Variants in DLC1 observed in about 807,000 individuals in gnomAD.
DLC1 encodes DLC1 Rho GTPase activating protein, also known as rho GTPase-activating protein 7.
A neutral mutation model predicts 140.3 loss-of-function variants in DLC1; 54 were observed. The ratio of observed to expected loss-of-function variants is 0.38; its 90% confidence interval spans 0.31 to 0.48. The LOEUF is 0.48. DLC1 is among the 20% of genes least tolerant of loss of function. DLC1 has a pLI of 0.96. For missense variants in DLC1, 2,536 were observed against 1,907.0 expected, an observed-to-expected ratio of 1.33 and a Z score of -6.14; for synonymous variants, 986 against 728.1, an observed-to-expected ratio of 1.35 and a Z score of -5.70.
chr8:13,416,285 G>C (rs894667735), intron 2 of DLC1, among the ~76,000 whole-genome samples: 1 of 152,114 alleles, frequency 6.6e-6, no homozygotes, highest in Non-Finnish European at 1.5e-5. Context: ...AATTGGCCTT[G>C]AGTTAAAAGT....
intron 4 of DLC1, among the ~76,000 whole-genome samples, chr8:13,388,077 G>A (rs753322724): frequency 6.6e-6 from 1 of 151,880 alleles, no homozygotes; most frequent in Non-Finnish European, 1.5e-5. Flanking sequence ...TAATTTTACA[G>A]GTTCAGGAAT....
intron 2 of DLC1, among the ~76,000 whole-genome samples, chr8:13,408,554 C>T (rs1416748094): frequency 6.6e-6 from 1 of 152,158 alleles, no homozygotes; most frequent in Non-Finnish European, 1.5e-5. Flanking sequence ...GAGAAGTGTT[C>T]AGAAGTGCAG....
intron 4 of DLC1, among the ~76,000 whole-genome samples, chr8:13,336,889 A>G (rs1416131481): frequency 2.2e-5 from 1 of 45,796 alleles, no homozygotes; most frequent in African/African-American, 5.2e-5. Flanking sequence ...ACTGATGTCA[A>G]ATTTGTCATT....
chr8:13,206,371 T>C (rs1246941384), intron 5 of DLC1, among the ~76,000 whole-genome samples: 1 of 152,198 alleles, frequency 6.6e-6, no homozygotes, highest in Non-Finnish European at 1.5e-5. Context: ...GTAAAAGGTT[T>C]GGAATATACA....
At chr8:13,383,089 A>G (rs952843093) in intron 4 of DLC1, among the ~76,000 whole-genome samples, 4 of 152,236 alleles carry the variant, frequency 2.6e-5, no homozygotes, top group African/African-American at 9.6e-5. Context: ...AAACAAGATG[A>G]GAAATCATCT....
intron 1 of DLC1, among the ~76,000 whole-genome samples, chr8:13,590,979 A>G (rs1233188461): frequency 6.6e-6 from 1 of 152,098 alleles, no homozygotes; most frequent in Non-Finnish European, 1.5e-5. Context: ...TTTCTTCATT[A>G]TAATTTCCAG....
In DLC1 at chr8:13,579,353, AT is replaced by A. The variant is rs1563454041; in HGVS notation, c.-126+25183del. ...TATATATATATATATATATATATAT[AT>A]ATATATATTTTTATATAATACATAT... On this transcript the variant is annotated intron_variant, in intron 1 of 1. Coordinates refer to the DLC1 transcript ENST00000631382. Among the ~76,000 whole-genome samples the A allele has an allele frequency of 5.6e-3, 161 of 28,770 alleles. 26 individuals are homozygous for A. Among genetic ancestry groups the A allele is most frequent in the Middle Eastern group, 0.021 (1 of 48 alleles). The allele number at this position is 28,770 out of a possible 152,430, so 18.9% of individuals were successfully genotyped here. A position where few individuals can be genotyped will look rare whatever the true frequency, so the allele number is the denominator to read the frequency against.
intron 5 of DLC1, among the ~76,000 whole-genome samples, chr8:13,191,926 G>GATTATTATTATTATTATTATT (rs143940185): frequency 1.1e-4 from 16 of 141,928 alleles, no homozygotes; most frequent in South Asian, 2.3e-4. Flanking sequence ...GGAGTGGCCT[G>GATTATTATTATTATTATTATT]ATTATTATTA....
intron 5 of DLC1, among the ~76,000 whole-genome samples, chr8:13,213,897 C>A (rs1406943693): frequency 1.3e-5 from 2 of 151,934 alleles, no homozygotes; most frequent in Non-Finnish European, 2.9e-5. Context: ...GATTCTCATG[C>A]CTCAGCCTCC....
At chr8:13,090,989 G>T (rs925185587) in intron 14 of DLC1, among the ~76,000 whole-genome samples, 1 of 150,812 alleles carries the variant, frequency 6.6e-6, no homozygotes. Flanking sequence ...ATTTTTTTTT[G>T]TAGAGATGAG....
At chr8:13,284,255 G>A (rs1255518857) in intron 5 of DLC1, among the ~76,000 whole-genome samples, 1 of 152,152 alleles carries the variant, frequency 6.6e-6, no homozygotes, top group Non-Finnish European at 1.5e-5. Flanking sequence ...GGCCTGGCGC[G>A]GTGGCTCATG....
At chr8:13,580,045 C>G (rs1269545962) in intron 1 of DLC1, among the ~76,000 whole-genome samples, 2 of 152,094 alleles carry the variant, frequency 1.3e-5, no homozygotes, top group African/African-American at 4.8e-5. Flanking sequence ...GACACATGAC[C>G]CAGGATCACT....
intron 1 of DLC1, among the ~76,000 whole-genome samples, chr8:13,551,846 G>A (rs1469996766): frequency 2.1e-5 from 3 of 142,394 alleles, no homozygotes; most frequent in Non-Finnish European, 4.7e-5. Flanking sequence ...GTATATATAT[G>A]CACCTCTAGA....
intron 1 of DLC1, among the ~76,000 whole-genome samples, chr8:13,560,149 A>G (rs1432189397): frequency 6.6e-6 from 1 of 152,218 alleles, no homozygotes; most frequent in Non-Finnish European, 1.5e-5. Context: ...TTCATTTTGA[A>G]TATAGCTGAG....
intron 5 of DLC1, among the ~76,000 whole-genome samples, chr8:13,137,593 T>G (rs1472400938): frequency 7.5e-6 from 1 of 133,184 alleles, no homozygotes; most frequent in African/African-American, 2.9e-5. Context: ...GGACATCAGT[T>G]TTTGGTTTTG....
At chr8:13,456,832 T>G (rs1025431695) in intron 2 of DLC1, among the ~76,000 whole-genome samples, 5 of 152,200 alleles carry the variant, frequency 3.3e-5, no homozygotes, top group African/African-American at 4.8e-5. Flanking sequence ...CTACTACCAT[T>G]GACTTAGCTG....
rs535244616 is a variant in DLC1 at position 13,318,158 on chromosome 8, G to GCTAGGA, written c.1315-12862_1315-12857dup. 1.1e-4 allele frequency among the ~76,000 whole-genome samples: 16 copies of GCTAGGA among 151,742 alleles called. No homozygotes were observed. In the South Asian group the frequency reaches 3.1e-3, roughly 30 times the overall value. On this transcript the variant is annotated intron_variant, in intron 4 of 17. Coordinates refer to ENST00000276297, the MANE Select transcript of DLC1 (RefSeq NM_182643.3). Reference sequence around the variant, plus strand: ...TCCTCTTGCCTCAGTCTCCTGAGTAGCTAGGACTAGCATGCACCACTACAC... The same window carrying GCTAGGA: ...TCCTCTTGCCTCAGTCTCCTGAGTAGCTAGGACTAGGACTAGCATGCACCACTACAC...
intron 2 of DLC1, among the ~76,000 whole-genome samples, chr8:13,474,552 G>T (rs550271777): frequency 6.6e-6 from 1 of 152,130 alleles, no homozygotes; most frequent in Non-Finnish European, 1.5e-5. Flanking sequence ...AACTTGCATC[G>T]TGTGCCTGGA....
chr8:13,572,502 T>C lies in DLC1; in HGVS notation c.-126+32035A>G, dbSNP rs145792456. Among the ~76,000 whole-genome samples the C allele has an allele frequency of 3.0e-3, 459 of 152,328 alleles. 1 individual carries two copies. Among genetic ancestry groups the C allele is most frequent in the African/African-American group, 0.011 (451 of 41,576 alleles). On this transcript the variant is annotated intron_variant, in intron 1 of 1. Coordinates refer to the DLC1 transcript ENST00000631382. ...TTTAATTTTCATAAAGTTCAGTTTT[T>C]CTATTTCTTCTTTTATTGCCTATGC...
Sources: allele counts gnomAD v4.1 joint callset (sites outside exome capture counted in the v4.1 genomes callset), GRCh38; gene constraint gnomAD v4.1.1; transcripts MANE v1.5; gene names NCBI Gene and HGNC (gene_info 2026-07-23, HGNC 2026-07-21).